The following N4BP2L2 variants were observed in gnomAD, a reference collection of about 807,000 sequenced individuals.
N4BP2L2 encodes NEDD4 binding protein 2 like 2.
N4BP2L2 carries 50 observed loss-of-function variants against 56.2 expected under a neutral mutation model. That is an observed-to-expected ratio of 0.89 (90% CI 0.71 to 1.13). The LOEUF (loss-of-function observed/expected upper bound fraction) is 1.13. Among genes scored for constraint, N4BP2L2 ranks in the 50% most tolerant of loss-of-function variants. The probability of loss-of-function intolerance (pLI) is 0.00; values close to 1 mark genes in which losing one functional copy is unlikely to be tolerated. For synonymous variants in N4BP2L2, 203 were observed against 223.6 expected (o/e 0.91, Z 0.82); for missense variants, 689 against 693.8 (o/e 0.99, Z 0.08).
At chr13:32,536,081 C>A in exon 2 of N4BP2L2, 1 of 1,613,746 alleles carries the variant, frequency 6.2e-7, no homozygotes, top group Non-Finnish European at 8.5e-7. Context: ...TACATAATAT[C>A]CATTTTGTAT....
intron 6 of N4BP2L2, among the ~76,000 whole-genome samples, chr13:32,490,406 G>C (rs1278308299): frequency 6.6e-6 from 1 of 152,142 alleles, no homozygotes; most frequent in Non-Finnish European, 1.5e-5. Context: ...CCAGGTTCAA[G>C]CAATTCTCCT....
intron 6 of N4BP2L2, among the ~76,000 whole-genome samples, chr13:32,448,347 T>C (rs2077349640): frequency 6.6e-6 from 1 of 152,132 alleles, no homozygotes; most frequent in Non-Finnish European, 1.5e-5. Flanking sequence ...CTGGTGCTGA[T>C]TCATTTAGGA....
chr13:32,517,685 A>T, exon 6 of N4BP2L2: 1 of 1,431,848 alleles, frequency 7.0e-7, no homozygotes, highest in East Asian at 2.5e-5. Context: ...ACTTGCTGGG[A>T]ACATCCTTTG....
At chr13:32,454,154 T>C (rs2078564659) in intron 6 of N4BP2L2, among the ~76,000 whole-genome samples, 1 of 152,162 alleles carries the variant, frequency 6.6e-6, no homozygotes, top group South Asian at 2.1e-4. Flanking sequence ...ACCCAGACTC[T>C]ATACAAGCAG....
intron 9 of N4BP2L2, among the ~76,000 whole-genome samples, chr13:32,435,485 C>T (rs1010582160): frequency 2.6e-5 from 4 of 152,324 alleles, no homozygotes; most frequent in African/African-American, 4.8e-5. Context: ...CTGCCTGCCT[C>T]GGCCTCCCAA....
chr13:32,505,734 A>G (rs535972376), downstream of N4BP2L2: 2 of 152,264 alleles, frequency 1.3e-5, no homozygotes, highest in Non-Finnish European at 2.9e-5. Context: ...TTGAGTTCCT[A>G]CCAGAAACAC....
At chr13:32,455,724 G>A (rs2078867002) in intron 6 of N4BP2L2, among the ~76,000 whole-genome samples, 1 of 152,080 alleles carries the variant, frequency 6.6e-6, no homozygotes. Context: ...CCCCACCAGT[G>A]CCCAAGCCCA....
chr13:32,531,161 T>C (rs1467995407), intron 2 of N4BP2L2, among the ~76,000 whole-genome samples: 1 of 152,258 alleles, frequency 6.6e-6, no homozygotes, highest in South Asian at 2.1e-4. Flanking sequence ...CTAGCCAACA[T>C]CTTGATCACA....
intron 6 of N4BP2L2, among the ~76,000 whole-genome samples, chr13:32,487,710 G>A (rs1224119432): frequency 6.6e-6 from 1 of 151,902 alleles, no homozygotes; most frequent in Non-Finnish European, 1.5e-5. Flanking sequence ...TGTAGGATTA[G>A]GTGAGATTTT....
chr13:32,497,843 A>G (rs181207505), intron 6 of N4BP2L2, among the ~76,000 whole-genome samples: 54 of 152,172 alleles, frequency 3.5e-4, no homozygotes, highest in Non-Finnish European at 5.9e-5. Flanking sequence ...TCCTTCTCTC[A>G]CTACTCTAGT....
intron 6 of N4BP2L2, among the ~76,000 whole-genome samples, chr13:32,482,658 G>T (rs1323934026): frequency 6.6e-6 from 1 of 152,024 alleles, no homozygotes; most frequent in East Asian, 1.9e-4. Context: ...GAGCCACTGT[G>T]CCTGGCCTTA....
chr13:32,529,841 T>C (rs916499920), intron 2 of N4BP2L2, among the ~76,000 whole-genome samples: 3 of 151,910 alleles, frequency 2.0e-5, no homozygotes, highest in Non-Finnish European at 4.4e-5. Flanking sequence ...TTCTCCTGCC[T>C]CAGCCTCCTG....
downstream of N4BP2L2, chr13:32,507,152 A>C (rs937607240): frequency 3.3e-5 from 5 of 152,180 alleles, no homozygotes; most frequent in African/African-American, 9.6e-5. Context: ...GCATTGAAGA[A>C]GACTCTCAAC....
At chr13:32,451,793 C>G (rs909486240) in intron 6 of N4BP2L2, among the ~76,000 whole-genome samples, 2 of 151,696 alleles carry the variant, frequency 1.3e-5, no homozygotes, top group East Asian at 3.9e-4. Flanking sequence ...TCAAGCAATC[C>G]TCCTGCTGGG....
At chr13:32,437,176 C>T (rs992395247) in intron 8 of N4BP2L2, among the ~76,000 whole-genome samples, 4 of 152,110 alleles carry the variant, frequency 2.6e-5, no homozygotes, top group Admixed American at 6.6e-5. Flanking sequence ...AGCCACCACG[C>T]CTGGCCACAA....
At chr13:32,475,726 T>A (rs1199090806) in intron 6 of N4BP2L2, among the ~76,000 whole-genome samples, 1 of 152,158 alleles carries the variant, frequency 6.6e-6, no homozygotes, top group Non-Finnish European at 1.5e-5. Flanking sequence ...GGAAAATAAT[T>A]TGGGGCTGCT....
intron 6 of N4BP2L2, among the ~76,000 whole-genome samples, chr13:32,458,050 T>C (rs2079285181): frequency 1.3e-5 from 2 of 151,922 alleles, no homozygotes; most frequent in African/African-American, 2.4e-5. Context: ...TTTTGTTTTG[T>C]TTTGTTTTTT....
chr13:32,455,225 G>A (rs2078770886), intron 6 of N4BP2L2, among the ~76,000 whole-genome samples: 1 of 152,238 alleles, frequency 6.6e-6, no homozygotes, highest in African/African-American at 2.4e-5. Context: ...ACCCAGGGGA[G>A]TAGCAGGGAA....
intron 6 of N4BP2L2, among the ~76,000 whole-genome samples, chr13:32,458,738 C>T (rs1343615203): frequency 1.8e-4 from 27 of 152,230 alleles, no homozygotes; most frequent in East Asian, 1.9e-4. Flanking sequence ...ATCACCTACA[C>T]AGAAAATTAA....
Sources: allele counts gnomAD v4.1 joint callset (sites outside exome capture counted in the v4.1 genomes callset), GRCh38; gene constraint gnomAD v4.1.1; transcripts MANE v1.5; gene names NCBI Gene and HGNC (gene_info 2026-07-23, HGNC 2026-07-21).